The following MYO1F variants were observed in gnomAD, a reference collection of about 807,000 sequenced individuals.
The protein encoded by MYO1F is myosin IF, also known as unconventional myosin-If.
A neutral mutation model predicts 146.6 loss-of-function variants in MYO1F; 60 were observed. The observed-to-expected ratio is 0.41, with a 90% CI of 0.33 to 0.51. The LOEUF (loss-of-function observed/expected upper bound fraction) is 0.51. MYO1F is among the 20% of genes least tolerant of loss of function. The probability of loss-of-function intolerance (pLI) is 0.25; values close to 1 mark genes in which losing one functional copy is unlikely to be tolerated. For synonymous variants in MYO1F, 602 were observed against 602.1 expected, an observed-to-expected ratio of 1.00 and a Z score of 0.00; for missense variants, 1,274 against 1,534.3, an observed-to-expected ratio of 0.83 and a Z score of 2.83.
chr19:8,542,514 G>C (rs925382601), intron 14 of MYO1F, among the ~76,000 whole-genome samples: 1 of 152,044 alleles, frequency 6.6e-6, no homozygotes, highest in East Asian at 1.9e-4. Context: ...GCTACCAAAG[G>C]TTAGGGCCCT....
intron 13 of MYO1F, chr19:8,545,438 T>C (rs1223573617): frequency 3.3e-6 from 2 of 605,670 alleles, no homozygotes; most frequent in Non-Finnish European, 6.0e-6. Flanking sequence ...GAAATGTTTA[T>C]TGAATGATTA....
In MYO1F at chr19:8,526,505, A is replaced by G. The variant is rs376154461; in HGVS notation, c.2718T>C (p.Val906=). ...CGCTGACCGTGAGGGTCCGACCGCC[A>G]ACCTTGAGCACTGCCAAGTCGCCGA... The part of the protein sequence containing the change: ...RGFGDLAVLK[V]GGRTLTVSVG... Residue 906 remains valine, a synonymous_variant, in exon 24 of 28, where the codon GTT becomes GTC. Transcript: ENST00000644032. 3.4e-4 allele frequency: 545 copies of G among 1,579,856 alleles called. No individual in the cohort carries two copies. The highest frequency in any genetic ancestry group is 5.5e-4 in the Admixed American group (29 of 53,182).
chr19:8,530,462 C>T lies in MYO1F; in HGVS notation c.2155G>A (p.Glu719Lys), dbSNP rs1425737419. ...CCGTTTACCCGAAGCCTCTCACCTTCCTCCCGCATCTCCTCGTACTTCCGG... is the reference window on the plus strand; with the variant it reads ...CCGTTTACCCGAAGCCTCTCACCTTTCTCCCGCATCTCCTCGTACTTCCGG... ...AVRKYEEMRE[E>K]ASNILLNKKE... Residue 719 changes from glutamate to lysine, a missense_variant, in exon 20 of 28, where the codon GAA becomes AAA. Glu to Lys is a moderately conservative substitution (Grantham distance 56). This residue lies in a region of MYO1F where 900 missense variants were observed against 1,155.1 expected (regional missense o/e 0.78). Transcript: ENST00000644032. The surrounding 1 kb of genome is among the most constrained non-coding windows in gnomAD (Gnocchi z 5.8). The T allele has an allele frequency of 6.2e-7, 1 of 1,613,684 alleles. No homozygotes were observed.
chr19:8,530,304 G>C lies in MYO1F; in HGVS notation c.2220C>G (p.Val740=). 1 of 1,614,106 alleles carries C rather than the reference G, an allele frequency of 6.2e-7. No homozygotes were observed. Among genetic ancestry groups the C allele is most frequent in the Non-Finnish European group, 8.5e-7 (1 of 1,180,006 alleles). The change falls in exon 21 of 28, where the codon GTC becomes GTG. Residue 740 remains valine, a synonymous_variant. Coordinates refer to ENST00000644032, the MANE Select transcript of MYO1F (RefSeq NM_012335.4). The surrounding 1 kb of genome is among the most constrained non-coding windows in gnomAD (Gnocchi z 5.8). ...RRRNSINRNF[V]GDYLGLEERP... ...GCTCCTCCAGCCCCAGGTAGTCCCCGACGAAGTTCCGATTGATGCTGTTGC... is the reference window on the plus strand; with the variant it reads ...GCTCCTCCAGCCCCAGGTAGTCCCCCACGAAGTTCCGATTGATGCTGTTGC...
chr19:8,550,236 T>A lies in MYO1F; in HGVS notation c.1025A>T (p.Asn342Ile). ...GRSESINVTL[N>I]VEQAAYTRDA... ...ACGGGTGTAGGCTGCCTGCTCCACG[T>A]TGAGGGTCACATTGATGGACTCGCT... is the stretch of plus-strand genomic sequence containing the variant. The change falls in exon 10 of 28, where the codon AAC becomes ATC. Residue 342 changes from asparagine (N) to isoleucine (I), a missense_variant. This residue lies in a region of MYO1F where 900 missense variants were observed against 1,155.1 expected (regional missense o/e 0.78). Transcript: ENST00000644032. 6.2e-7 allele frequency: 1 copy of A among 1,614,196 alleles called. No individual in the cohort carries two copies. Among genetic ancestry groups the A allele is most frequent in the Non-Finnish European group, 8.5e-7 (1 of 1,180,046 alleles).
At chr19:8,552,444 A>T (rs1973654187) in intron 6 of MYO1F, among the ~76,000 whole-genome samples, 1 of 151,864 alleles carries the variant, frequency 6.6e-6, no homozygotes, top group Non-Finnish European at 1.5e-5. Context: ...TTTTTGGCAG[A>T]GCTAATTTTT....
chr19:8,547,983 T>TGCG, intron 12 of MYO1F, 53 bp downstream of exon 12: 2 of 1,371,036 alleles, frequency 1.5e-6, no homozygotes, highest in Non-Finnish European at 2.1e-6. Flanking sequence ...TCATGGTCCT[T>TGCG]CCACCCCACC....
chr19:8,556,945 T>C (rs549560580), intron 1 of MYO1F, among the ~76,000 whole-genome samples: 3 of 150,856 alleles, frequency 2.0e-5, no homozygotes, highest in Non-Finnish European at 4.4e-5. Context: ...TACTGTCTTA[T>C]TCCAACTATA....
chr19:8,544,419 T>C lies in MYO1F; in HGVS notation c.1402A>G (p.Met468Val), dbSNP rs775802847. 1 of 1,612,612 alleles carries C rather than the reference T, an allele frequency of 6.2e-7. No homozygotes were observed. ...MSVLDDVCATMHATGGGADQT... is the reference protein window; with the variant it reads ...MSVLDDVCATVHATGGGADQT... ...TCTGCTCCCCCGCCCGTGGCGTGCA[T>C]GGTGGCGCACACGTCGTCCAAGACG... The change falls in exon 14 of 28, where the codon ATG (methionine) becomes GTG (valine). Residue 468 changes from methionine to valine, a missense_variant. Physicochemically the swap from Met to Val is conservative, Grantham distance 21. Around this residue, in one of 2 missense-constraint regions of MYO1F, gnomAD observed 900 missense variants for 1,155.1 expected, o/e 0.78. Coordinates refer to ENST00000644032, the MANE Select transcript of MYO1F (RefSeq NM_012335.4).
chr19:8,545,628 C>A lies in MYO1F; in HGVS notation c.1356+22G>T, dbSNP rs762560106. On this transcript the variant is annotated intron_variant, in intron 13 of 27. Coordinates refer to ENST00000644032, the MANE Select transcript of MYO1F (RefSeq NM_012335.4). ...TCAGGGGACCAGTGAGACGCCCCCG[C>A]CAAAGTTGACCCAGCCCTCACCAGC... is the stretch of plus-strand genomic sequence containing the variant. 4.7e-5 allele frequency: 76 copies of A among 1,606,368 alleles called. No homozygotes were observed. The South Asian group carries it at 6.4e-4, about 13-fold the overall frequency.
At chr19:8,547,071 G>A (rs1973391013) in intron 12 of MYO1F, among the ~76,000 whole-genome samples, 1 of 152,078 alleles carries the variant, frequency 6.6e-6, no homozygotes, top group Non-Finnish European at 1.5e-5. Flanking sequence ...GCCAAGGCAG[G>A]AGGATTGCTT....
chr19:8,562,231 G>T (rs1198284262), intron 1 of MYO1F, among the ~76,000 whole-genome samples: 1 of 151,044 alleles, frequency 6.6e-6, no homozygotes, highest in African/African-American at 2.4e-5. Context: ...TTGATCTCCT[G>T]ACCTCGTTAC....
At chr19:8,526,631 C>T (rs1196524812) in intron 23 of MYO1F, 30 bp from the exon 24 acceptor site, 4 of 1,571,658 alleles carry the variant, frequency 2.5e-6, no homozygotes, top group Non-Finnish European at 3.4e-6. Flanking sequence ...CTTGGGGGCG[C>T]TGGCTGAGGT....
At chr19:8,549,865 A>T in intron 10 of MYO1F, 1 of 506,960 alleles carries the variant, frequency 2.0e-6, no homozygotes, top group Admixed American at 3.3e-5. Context: ...CAATAGCGCA[A>T]TCATAGCTCA....
intron 1 of MYO1F, among the ~76,000 whole-genome samples, chr19:8,571,666 C>T (rs1365116574): frequency 6.6e-6 from 1 of 151,768 alleles, no homozygotes; most frequent in African/African-American, 2.4e-5. Flanking sequence ...GGCGCCATCT[C>T]GGCTCACTGC....
intron 10 of MYO1F, among the ~76,000 whole-genome samples, chr19:8,548,587 A>C (rs544493797): frequency 1.4e-5 from 2 of 143,334 alleles, no homozygotes; most frequent in Admixed American, 1.4e-4. Flanking sequence ...CTGCACCTCT[A>C]TTTTCTTTTT....
At chr19:8,539,711 T>C (rs1258341462) in intron 16 of MYO1F, among the ~76,000 whole-genome samples, 1 of 152,124 alleles carries the variant, frequency 6.6e-6, no homozygotes, top group Non-Finnish European at 1.5e-5. Context: ...ATTAGAATAA[T>C]GGTCTACTTC....
chr19:8,521,668 T>C (rs1972065552), intron 27 of MYO1F, 64 bp from the exon 28 acceptor site: 1 of 1,480,356 alleles, frequency 6.8e-7, no homozygotes. Flanking sequence ...TCATGCCTGG[T>C]CTGTCCATCT....
rs1406211383 is a variant in MYO1F at position 8,530,477 on chromosome 19, C to G, written c.2140G>C (p.Glu714Gln). ...CTCTCACCTTCCTCCCGCATCTCCTCGTACTTCCGGACAGCCACGTGGCGC... is the reference window on the plus strand; with the variant it reads ...CTCTCACCTTCCTCCCGCATCTCCTGGTACTTCCGGACAGCCACGTGGCGC... The part of the protein sequence containing the change: ...WRRHVAVRKY[E>Q]EMREEASNIL... The change falls in exon 20 of 28, where the codon GAG becomes CAG. Residue 714 changes from glutamate to glutamine, a missense_variant. This residue lies in a region of MYO1F where 900 missense variants were observed against 1,155.1 expected (regional missense o/e 0.78). Transcript: ENST00000644032. This position sits in a 1 kb window ranked among gnomAD's most constrained non-coding sequence, Gnocchi z 5.8. 4 of 1,613,692 alleles carry G rather than the reference C, an allele frequency of 2.5e-6. No homozygotes were observed. The Admixed American group carries it at 5.0e-5, about 20-fold the overall frequency.
Sources: allele counts gnomAD v4.1 joint callset (sites outside exome capture counted in the v4.1 genomes callset), GRCh38; gene constraint gnomAD v4.1.1; regional missense constraint gnomAD v4.1.1; non-coding constraint Gnocchi (gnomAD v3.1); transcripts MANE v1.5; gene names NCBI Gene and HGNC (gene_info 2026-07-23, HGNC 2026-07-21).